LRP5: variants seen among roughly 807,000 people sequenced by gnomAD.
The protein encoded by LRP5 is low-density lipoprotein receptor-related protein 5.
LRP5 carries 62 observed loss-of-function variants against 154.1 expected under a neutral mutation model. The ratio of observed to expected loss-of-function variants is 0.40; its 90% confidence interval spans 0.33 to 0.50. LRP5 has a LOEUF of 0.50. Among genes scored for constraint, LRP5 ranks in the 20% least tolerant of loss-of-function variants. LRP5 has a pLI of 0.55. For synonymous variants in LRP5, 966 were observed against 1,011.5 expected (o/e 0.96, Z 0.85); for missense variants, 1,915 against 2,336.7 (o/e 0.82, Z 3.72).
chr11:68,394,916 C>T (rs576449165), intron 7 of LRP5, among the ~76,000 whole-genome samples: 152 of 152,264 alleles, frequency 1.0e-3, no homozygotes, highest in Non-Finnish European at 1.6e-3. Flanking sequence ...AGGGAACAGG[C>T]GGAGGTCACA....
At chr11:68,298,964 G>A in the LRP5 span, among the ~76,000 whole-genome samples, 1 of 152,182 alleles carries the variant, frequency 6.6e-6, no homozygotes, top group Admixed American at 6.5e-5. Context: ...TGAGCTCCAG[G>A]AATGGCAAAG....
At position 68,365,550 on chromosome 11, in the gene LRP5, ACTCTGTC is replaced by A. The variant is rs2098630515; in HGVS notation, c.884-18_884-12del. On this transcript the variant is annotated splice_polypyrimidine_tract_variant and intron_variant, in intron 4 of 22. Coordinates refer to ENST00000294304, the MANE Select transcript of LRP5 (RefSeq NM_002335.4). The stretch of plus-strand genomic sequence containing the variant: ...CGGTCCTCTTCTGGAACCTTCTCTC[ACTCTGTC>A]CTGGTTTTCTCAGTCCACACTCGCT... 6.2e-7 allele frequency: 1 copy of A among 1,613,156 alleles called. No individual in the cohort carries two copies. Among genetic ancestry groups the A allele is most frequent in the Non-Finnish European group, 8.5e-7 (1 of 1,179,802 alleles).
chr11:68,334,871 A>C (rs2098604793), intron 1 of LRP5, among the ~76,000 whole-genome samples: 1 of 152,058 alleles, frequency 6.6e-6, no homozygotes, highest in Admixed American at 6.6e-5. Context: ...GTCTCAAAAA[A>C]TAAAATAAAA....
In LRP5 at chr11:68,416,473, C is replaced by CAG; in HGVS notation, c.2973_2974insAG (p.Tyr992SerfsTer23). The CAG allele has an allele frequency of 6.2e-7, 1 of 1,614,098 alleles. No homozygotes were observed. Among genetic ancestry groups the CAG allele is most frequent in the Non-Finnish European group, 8.5e-7 (1 of 1,180,040 alleles). Reference sequence around the variant, plus strand: ...ACTATGACCCACTGGACAAGTTCATCTACTGGGTGGATGGGCGCCAGAACA... The same window carrying CAG: ...ACTATGACCCACTGGACAAGTTCATCAGTACTGGGTGGATGGGCGCCAGAACA... On this transcript the variant is annotated frameshift_variant, in exon 13 of 23. Coordinates refer to ENST00000294304, the MANE Select transcript of LRP5 (RefSeq NM_002335.4). LOFTEE classifies it high-confidence loss of function.
chr11:68,436,855 C>G (rs199744693), intron 18 of LRP5, 34 bp from the exon 19 acceptor site: 1 of 1,553,050 alleles, frequency 6.4e-7, no homozygotes, highest in African/African-American at 1.4e-5. Flanking sequence ...GGGGCACCCT[C>G]CAGCCTCTCT....
chr11:68,441,987 C>T (rs893306594), intron 21 of LRP5, among the ~76,000 whole-genome samples: 9 of 152,334 alleles, frequency 5.9e-5, no homozygotes, highest in Admixed American at 3.9e-4. Context: ...AAAGAGACTC[C>T]GCCCCCATGA....
chr11:68,340,015 C>T (rs1024172973), intron 1 of LRP5, among the ~76,000 whole-genome samples: 8 of 152,072 alleles, frequency 5.3e-5, no homozygotes, highest in South Asian at 2.1e-4. Context: ...CCAAGGCGGG[C>T]GGATCACCTG....
the LRP5 span, among the ~76,000 whole-genome samples, chr11:68,307,218 T>C: frequency 6.6e-6 from 1 of 151,962 alleles, no homozygotes; most frequent in African/African-American, 2.4e-5. Context: ...ATGCTTATAA[T>C]CCCAACACTT....
At position 68,449,189 on chromosome 11, in the gene LRP5, G is replaced by T; in HGVS notation, c.*119G>T. The T allele has an allele frequency of 5.1e-4, 251 of 492,578 alleles. No homozygotes were observed. The highest frequency in any genetic ancestry group is 2.1e-3 in the Middle Eastern group (3 of 1,426). 30.5% of individuals were successfully genotyped at this position (492,578 alleles called of 1,614,324 possible). A position where few individuals can be genotyped will look rare whatever the true frequency, so the allele number is the denominator to read the frequency against. The stretch of plus-strand genomic sequence containing the variant: ...TATAATTGGGATTTTAAAAACATGA[G>T]AAATGTGAACTGTGATGGGGTGGGC... On this transcript the variant is annotated 3_prime_UTR_variant, in exon 23 of 23. Transcript: ENST00000294304.
chr11:68,363,725 C>T (rs373934486), intron 3 of LRP5, 22 bp from the exon 4 acceptor site: 655 of 1,606,728 alleles, frequency 4.1e-4, no homozygotes, highest in Middle Eastern at 2.7e-3. Flanking sequence ...ATGGCTCCTC[C>T]ACCCCGCTTC....
intron 18 of LRP5, 88 bp downstream of exon 18, chr11:68,433,926 T>A: frequency 7.8e-7 from 1 of 1,288,778 alleles, no homozygotes; most frequent in Non-Finnish European, 1.1e-6. Context: ...CTCACAGGAG[T>A]AGGGGCTCTG....
chr11:68,343,928 C>T (rs956867697), intron 1 of LRP5, among the ~76,000 whole-genome samples: 1 of 152,146 alleles, frequency 6.6e-6, no homozygotes, highest in Non-Finnish European at 1.5e-5. Flanking sequence ...GACCTGGGCT[C>T]CTCCCTCACT....
chr11:68,411,804 G>A (rs2098659749), intron 11 of LRP5, among the ~76,000 whole-genome samples, 184 bp downstream of exon 11: 1 of 152,228 alleles, frequency 6.6e-6, no homozygotes, highest in Non-Finnish European at 1.5e-5. Context: ...GTCCACCCCT[G>A]GGTGCCTTTG....
At chr11:68,443,579 ATATATATTTTTTT>A (rs1387995286) in intron 21 of LRP5, among the ~76,000 whole-genome samples, 1 of 39,938 alleles carries the variant, frequency 2.5e-5, no homozygotes, top group Non-Finnish European at 4.6e-5. Context: ...ATATATATAT[ATATATATTTTTTT>A]TTTTTTTGGT....
chr11:68,440,527 A>T (rs933829949), intron 21 of LRP5, among the ~76,000 whole-genome samples: 3 of 152,234 alleles, frequency 2.0e-5, no homozygotes, highest in Non-Finnish European at 4.4e-5. Context: ...CTGGGAGCAC[A>T]GTCCCAGGAT....
chr11:68,363,726 A>T (rs755359642), intron 3 of LRP5, 21 bp from the exon 4 acceptor site: 1 of 1,606,322 alleles, frequency 6.2e-7, no homozygotes, highest in South Asian at 1.1e-5. Context: ...TGGCTCCTCC[A>T]CCCCGCTTCC....
intron 1 of LRP5, among the ~76,000 whole-genome samples, chr11:68,321,119 G>C (rs1238502611): frequency 6.8e-6 from 1 of 147,732 alleles, no homozygotes; most frequent in Non-Finnish European, 1.5e-5. Context: ...AGTGAATAGG[G>C]AGTTGTCCAA....
intron 5 of LRP5, among the ~76,000 whole-genome samples, chr11:68,367,244 G>A (rs2098631613): frequency 6.6e-6 from 1 of 152,232 alleles, no homozygotes; most frequent in African/African-American, 2.4e-5. Flanking sequence ...GAGGATTATA[G>A]ACCCTTGAAG....
chr11:68,431,809 G>T (rs559555070), intron 17 of LRP5, among the ~76,000 whole-genome samples: 2 of 152,340 alleles, frequency 1.3e-5, no homozygotes, highest in African/African-American at 4.8e-5. Flanking sequence ...CCGTCAGAAC[G>T]CTGCACTAAC....
Sources: gnomAD v4.1 joint callset for allele counts (sites outside exome capture counted in the v4.1 genomes callset) on GRCh38, gnomAD v4.1.1 for gene constraint, MANE v1.5 for transcripts, NCBI Gene and HGNC (gene_info 2026-07-23, HGNC 2026-07-21) for gene names.